Variants in GTF3C2 observed in about 807,000 individuals in gnomAD.
GTF3C2 encodes the protein general transcription factor 3C polypeptide 2.
Under a neutral mutation model 117.4 loss-of-function variants are expected in GTF3C2, and 17 were observed. That is an observed-to-expected ratio of 0.14 (90% CI 0.10 to 0.22). The LOEUF is 0.22. GTF3C2 is among the 10% of genes least tolerant of loss of function. GTF3C2 has a pLI of 1.00. For synonymous variants in GTF3C2, 437 were observed against 427.0 expected (o/e 1.02, Z -0.29); for missense variants, 888 against 1,143.6 (o/e 0.78, Z 3.22).
At chr2:27,343,655 T>G in intron 1 of GTF3C2, 77 bp from the exon 2 acceptor site, 1 of 1,160,312 alleles carries the variant, frequency 8.6e-7, no homozygotes, top group Admixed American at 2.1e-5. Context: ...CCCCATCTTT[T>G]CTCCCTCATT....
chr2:27,327,715 C>T (rs1165808881), intron 17 of GTF3C2, among the ~76,000 whole-genome samples: 3 of 150,502 alleles, frequency 2.0e-5, no homozygotes, highest in Admixed American at 1.3e-4. Context: ...GCAATCTCCA[C>T]CTCCTGGGTT....
intron 4 of GTF3C2, chr2:27,340,384 C>A (rs1279584121): frequency 1.3e-5 from 2 of 151,722 alleles, no homozygotes; most frequent in African/African-American, 4.8e-5. Context: ...GTGTATGCCA[C>A]CACACCCAGC....
chr2:27,349,067 C>G (rs1223664470), intron 1 of GTF3C2, among the ~76,000 whole-genome samples: 2 of 151,424 alleles, frequency 1.3e-5, no homozygotes, highest in Non-Finnish European at 2.9e-5. Flanking sequence ...AAACTCCTGA[C>G]CTCAAGTGAT....
At chr2:27,350,551 AC>A in intron 1 of GTF3C2, 1 of 971,454 alleles carries the variant, frequency 1.0e-6, no homozygotes, top group Non-Finnish European at 1.2e-6. Flanking sequence ...TGTAATCTCA[AC>A]ACTTTGGGAG....
At chr2:27,350,394 A>G in intron 1 of GTF3C2, 1 of 985,208 alleles carries the variant, frequency 1.0e-6, no homozygotes, top group Non-Finnish European at 1.2e-6. Context: ...CTCAAGCTGA[A>G]AAACACTTGC....
intron 1 of GTF3C2, among the ~76,000 whole-genome samples, chr2:27,352,046 C>A (rs1282089347): frequency 1.3e-5 from 2 of 152,206 alleles, no homozygotes; most frequent in Non-Finnish European, 2.9e-5. Flanking sequence ...AGACTGCTTA[C>A]CCACTATCAC....
At chr2:27,335,251 G>A in intron 10 of GTF3C2, 2 of 493,652 alleles carry the variant, frequency 4.1e-6, no homozygotes, top group East Asian at 1.2e-4. Context: ...AGGATTGGGG[G>A]AACAAGAGTA....
intron 4 of GTF3C2, among the ~76,000 whole-genome samples, chr2:27,339,316 A>G (rs1356824339): frequency 6.7e-6 from 1 of 149,106 alleles, no homozygotes; most frequent in African/African-American, 2.5e-5. Context: ...CTGAGGCGGG[A>G]GCATTGCTTG....
Position 27,329,160 on chromosome 2 carries a change from T to C in GTF3C2, c.2000A>G (p.Tyr667Cys). The stretch of plus-strand genomic sequence containing the variant: ...GTCCTGAGCCACAGTGACACCATTG[T>C]AGGGAAGCAGCCAGGCCAGTTCTGT... The change falls in exon 14 of 19, where the codon TAC becomes TGC. Residue 667 changes from tyrosine to cysteine, a missense_variant. Physicochemically the swap from Tyr to Cys is radical, Grantham distance 194 (BLOSUM62 -2). Around this residue, in one of 7 missense-constraint regions of GTF3C2, gnomAD observed 277 missense variants for 445.4 expected, o/e 0.62. Transcript: ENST00000264720. The surrounding 1 kb of genome is among the most constrained non-coding windows in gnomAD (Gnocchi z 4.5). 6.2e-7 allele frequency: 1 copy of C among 1,614,134 alleles called. No homozygotes were observed. The highest frequency in any genetic ancestry group is 2.2e-5 in the East Asian group (1 of 44,882).
chr2:27,336,119 G>T lies in GTF3C2; in HGVS notation c.1355+79C>A, dbSNP rs1434094693. On this transcript the variant is annotated intron_variant, in intron 8 of 18. Transcript: ENST00000264720. ...CTCCCCTTGTCTCAGCCCAATCCAA[G>T]CCCTTCCCCCTATCCTGTCCAGACC... 1.6e-4 allele frequency: 225 copies of T among 1,413,380 alleles called. 3 individuals are homozygous for T. The South Asian group carries it at 2.5e-3, about 16-fold the overall frequency. The allele number at this position is 1,413,380 out of a possible 1,614,324, so 87.6% of individuals were successfully genotyped here.
rs1296886766 is a variant in GTF3C2, at chr2:27,329,700, C to T, written c.1733-177G>A. On this transcript the variant is annotated intron_variant, in intron 12 of 18. Coordinates refer to ENST00000264720, the Ensembl canonical transcript of GTF3C2. The surrounding 1 kb of genome is among the most constrained non-coding windows in gnomAD (Gnocchi z 4.5). ...TCCCTCCAGGGCTTAAAGACTCAAC[C>T]TGGTATTTTAACCCTAATTCTCATC... Among the ~76,000 whole-genome samples, 2 of 152,144 alleles carry T rather than the reference C, an allele frequency of 1.3e-5. No individual in the cohort carries two copies. The highest frequency in any genetic ancestry group is 2.4e-5 in the African/African-American group (1 of 41,428).
intron 15 of GTF3C2, 81 bp from the exon 16 acceptor site, chr2:27,328,677 C>G (rs1002314272): frequency 1.6e-5 from 20 of 1,252,270 alleles, no homozygotes; most frequent in African/African-American, 1.5e-5. Flanking sequence ...GTCTGAGAGA[C>G]AGACACACAA....
chr2:27,343,063 G>A lies in GTF3C2; in HGVS notation c.332C>T (p.Pro111Leu), dbSNP rs757098913. Residue 111 changes from proline (P) to leucine (L), a missense_variant, in exon 3 of 19, where the codon CCC becomes CTC. Physicochemically the swap from Pro to Leu is moderately conservative, Grantham distance 98. This residue lies in a region of GTF3C2 where 393 missense variants were observed against 401.5 expected (regional missense o/e 0.98). Transcript: ENST00000264720. ...AGGATTAGGCTGTTGGGGCCTTTTG[G>A]GGCCTTTTCGTGTCCTACCACCTCT... is the stretch of plus-strand genomic sequence containing the variant. 3.1e-6 allele frequency: 5 copies of A among 1,613,768 alleles called. No homozygotes were observed. The South Asian group carries it at 3.3e-5, about 11-fold the overall frequency.
chr2:27,345,269 A>G (rs1254764552), intron 1 of GTF3C2, among the ~76,000 whole-genome samples: 1 of 151,886 alleles, frequency 6.6e-6, no homozygotes, highest in Non-Finnish European at 1.5e-5. Context: ...CACCGTCTCA[A>G]GTAAATAAAT....
chr2:27,344,478 T>C (rs986252183), intron 1 of GTF3C2, among the ~76,000 whole-genome samples: 10 of 151,642 alleles, frequency 6.6e-5, no homozygotes, highest in Admixed American at 4.6e-4. Flanking sequence ...CCCAATGAAA[T>C]AAAACACACA....
chr2:27,339,138 G>A (rs981491614), intron 4 of GTF3C2, among the ~76,000 whole-genome samples: 4 of 152,110 alleles, frequency 2.6e-5, no homozygotes, highest in African/African-American at 9.7e-5. Flanking sequence ...GCCGGGCATG[G>A]TGGCTCATGC....
In GTF3C2 at chr2:27,338,448, A is replaced by G. The variant is rs1402168631; in HGVS notation, c.856-428T>C. Among the ~76,000 whole-genome samples the G allele has an allele frequency of 1.4e-4, 8 of 58,566 alleles. No individual in the cohort carries two copies. In the East Asian group the frequency reaches 1.9e-3, roughly 14 times the overall value. The allele number at this position is 58,566 out of a possible 152,430, so 38.4% of individuals were successfully genotyped here. A position where few individuals can be genotyped will look rare whatever the true frequency, so the allele number is the denominator to read the frequency against. The stretch of plus-strand genomic sequence containing the variant: ...TTCTCGCCCCTCTACACAGGCGCGC[A>G]CGCGCACGCGCGCACACACACACAC... On this transcript the variant is annotated intron_variant, in intron 4 of 18. Coordinates refer to ENST00000264720, the Ensembl canonical transcript of GTF3C2.
exon 18 of GTF3C2, chr2:27,327,259 C>T: frequency 6.2e-7 from 1 of 1,603,752 alleles, no homozygotes; most frequent in South Asian, 1.1e-5. Flanking sequence ...CATTGGTTCT[C>T]TACGGAGCAG....
In GTF3C2 at chr2:27,338,466, A is replaced by G. The variant is rs531971240; in HGVS notation, c.856-446T>C. ...GGCGCGCACGCGCACGCGCGCACAC[A>G]CACACACACACACACACTCCTGGTA... On this transcript the variant is annotated intron_variant, in intron 4 of 18. Coordinates refer to ENST00000264720, the Ensembl canonical transcript of GTF3C2. Among the ~76,000 whole-genome samples, 687 of 146,124 alleles carry G rather than the reference A, an allele frequency of 4.7e-3. 5 individuals carry two copies. Among genetic ancestry groups the G allele is most frequent in the African/African-American group, 0.015 (602 of 39,498 alleles).
Sources: gnomAD v4.1 joint callset for allele counts (sites outside exome capture counted in the v4.1 genomes callset) on GRCh38, gnomAD v4.1.1 for gene constraint, gnomAD v4.1.1 regional missense constraint, Gnocchi (gnomAD v3.1) non-coding constraint, MANE v1.5 for transcripts, NCBI Gene and HGNC (gene_info 2026-07-23, HGNC 2026-07-21) for gene names.